PRKCZ: variants seen among roughly 807,000 people sequenced by gnomAD.
PRKCZ encodes protein kinase C zeta type.
A neutral mutation model predicts 79.5 loss-of-function variants in PRKCZ; 33 were observed. The ratio of observed to expected loss-of-function variants is 0.41; its 90% CI spans 0.31 to 0.55. PRKCZ has a LOEUF of 0.55. Among genes scored for constraint, PRKCZ ranks in the 20% least tolerant of loss-of-function variants. The pLI is 0.19. For missense variants in PRKCZ, 578 were observed against 813.5 expected (o/e 0.71, Z 3.52); for synonymous variants, 342 against 320.9 (o/e 1.07, Z -0.70).
chr1:2,091,405 G>GT, intron 4 of PRKCZ, among the ~76,000 whole-genome samples: 1 of 152,312 alleles, frequency 6.6e-6, no homozygotes, highest in Non-Finnish European at 1.5e-5. Flanking sequence ...TTCTAAGTGT[G>GT]TAGTTCAGTA....
intron 1 of PRKCZ, among the ~76,000 whole-genome samples, chr1:2,055,050 C>T (rs1007935023): frequency 4.6e-5 from 7 of 151,716 alleles, no homozygotes; most frequent in African/African-American, 1.7e-4. Context: ...TCACGCCATT[C>T]TCTTGCCTCA....
Position 2,146,053 on chromosome 1 carries a change from T to G in PRKCZ, c.579T>G (p.Pro193=). Reference sequence around the variant, plus strand: ...ATTCTGTCATGCCTTCCCAAGAGCCTCCAGTAGACGACAAGAACGAGGACG... The same window carrying G: ...ATTCTGTCATGCCTTCCCAAGAGCCGCCAGTAGACGACAAGAACGAGGACG... ...HMDSVMPSQE[P]PVDDKNEDAD... Residue 193 remains proline, a synonymous_variant, in exon 7 of 18, where the codon CCT becomes CCG. Transcript: ENST00000378567. 6.2e-7 allele frequency: 1 copy of G among 1,614,062 alleles called. No homozygotes were observed.
chr1:2,058,921 G>A (rs1197505691), intron 3 of PRKCZ, among the ~76,000 whole-genome samples: 4 of 151,880 alleles, frequency 2.6e-5, no homozygotes, highest in African/African-American at 4.8e-5. Context: ...AACAAAAAAT[G>A]TTTGTTTTTT....
intron 4 of PRKCZ, among the ~76,000 whole-genome samples, chr1:2,111,165 G>A (rs1242713454): frequency 6.6e-6 from 1 of 152,128 alleles, no homozygotes; most frequent in Non-Finnish European, 1.5e-5. Flanking sequence ...CTGTGGGGCT[G>A]GCTGTGCGTG....
chr1:2,115,199 T>C (rs954274309), intron 4 of PRKCZ, among the ~76,000 whole-genome samples: 8 of 152,282 alleles, frequency 5.3e-5, no homozygotes, highest in Non-Finnish European at 7.3e-5. Context: ...TTTCCCGTGG[T>C]GTGGGGTGCG....
chr1:2,126,199 C>CA (rs1673849943), intron 4 of PRKCZ, among the ~76,000 whole-genome samples: 1 of 152,210 alleles, frequency 6.6e-6, no homozygotes, highest in Non-Finnish European at 1.5e-5. Context: ...TCAGCTTCCT[C>CA]AATGGGAAAC....
chr1:2,147,453 ATC>A (rs1678838586), intron 7 of PRKCZ, among the ~76,000 whole-genome samples: 2 of 129,062 alleles, frequency 1.5e-5, no homozygotes, highest in South Asian at 2.5e-4. Flanking sequence ...CTATCCATCT[ATC>A]TTGTCCACTG....
At chr1:2,089,048 G>C (rs534437022) in intron 4 of PRKCZ, among the ~76,000 whole-genome samples, 1 of 152,328 alleles carries the variant, frequency 6.6e-6, no homozygotes, top group African/African-American at 2.4e-5. Context: ...ATCCCTCCCT[G>C]TCATCAGCTA....
At chr1:2,118,589 G>A (rs11589482) in intron 4 of PRKCZ, among the ~76,000 whole-genome samples, 5,355 of 152,050 alleles carry the variant, frequency 0.035, 134 homozygotes, top group Middle Eastern at 0.062. Flanking sequence ...CGCCTGCTTC[G>A]GCCTCCCAAA....
At chr1:2,096,480 T>C (rs1186998713) in intron 4 of PRKCZ, among the ~76,000 whole-genome samples, 1 of 152,034 alleles carries the variant, frequency 6.6e-6, no homozygotes, top group African/African-American at 2.4e-5. Context: ...ACGGACTTCG[T>C]GAGGATCTAA....
At chr1:2,144,418 A>T (rs1385166342) in intron 6 of PRKCZ, 77 bp downstream of exon 6, 1 of 1,522,836 alleles carries the variant, frequency 6.6e-7, no homozygotes, top group Non-Finnish European at 8.8e-7. Flanking sequence ...GTCCAAGCAG[A>T]CCTTGGTGAC....
intron 4 of PRKCZ, among the ~76,000 whole-genome samples, chr1:2,090,224 G>C (rs1376337394): frequency 6.6e-6 from 1 of 152,248 alleles, no homozygotes; most frequent in East Asian, 1.9e-4. Context: ...TGGATTCCGA[G>C]GGGATTCAGT....
At chr1:2,076,225 G>T (rs1483398242) in intron 4 of PRKCZ, among the ~76,000 whole-genome samples, 2 of 152,162 alleles carry the variant, frequency 1.3e-5, no homozygotes, top group African/African-American at 4.8e-5. Flanking sequence ...TGGTGCTCGA[G>T]TGTGGGCTCA....
intron 5 of PRKCZ, among the ~76,000 whole-genome samples, chr1:2,136,309 C>T (rs546221037): frequency 1.3e-5 from 2 of 152,314 alleles, no homozygotes; most frequent in African/African-American, 4.8e-5. Flanking sequence ...GACTCCCATT[C>T]CTCTTGGGGC....
intron 6 of PRKCZ, 79 bp downstream of exon 6, chr1:2,144,420 C>T: frequency 6.6e-7 from 1 of 1,521,792 alleles, no homozygotes; most frequent in Non-Finnish European, 8.8e-7. Context: ...CCAAGCAGAC[C>T]TTGGTGACCC....
rs770240675 is a variant in PRKCZ, at chr1:2,172,204, A to G, written c.1197+14A>G. The G allele has an allele frequency of 1.9e-6, 3 of 1,612,690 alleles. No individual in the cohort carries two copies. Among genetic ancestry groups the G allele is most frequent in the East Asian group, 4.5e-5 (2 of 44,830 alleles). The stretch of plus-strand genomic sequence containing the variant: ...GGCATGTGCAAGGTGCGTGCCTTGG[A>G]CCGCCTCCCCTGACCATCCCGCATG... On this transcript the variant is annotated intron_variant, in intron 12 of 17. Transcript: ENST00000378567. The surrounding 1 kb of genome is among the most constrained non-coding windows in gnomAD (Gnocchi z 7.8).
intron 10 of PRKCZ, among the ~76,000 whole-genome samples, chr1:2,167,426 AG>A (rs1349178260): frequency 6.6e-6 from 1 of 152,034 alleles, no homozygotes; most frequent in Non-Finnish European, 1.5e-5. Flanking sequence ...GCTTAAAGTT[AG>A]GATGAACCCA....
intron 4 of PRKCZ, among the ~76,000 whole-genome samples, chr1:2,081,762 C>T (rs1436191194): frequency 6.6e-6 from 1 of 151,492 alleles, no homozygotes; most frequent in African/African-American, 2.4e-5. Context: ...TGGGACTCGG[C>T]AGGTCCCTGC....
chr1:2,082,518 C>G lies in PRKCZ; in HGVS notation c.334+22927C>G. On this transcript the variant is annotated intron_variant, in intron 4 of 17. Transcript: ENST00000378567. The surrounding 1 kb of genome is among the most constrained non-coding windows in gnomAD (Gnocchi z 4.4). ...ACCGGTTTTGTGATGTGGGCAGTGC[C>G]GTGCTGGTAAATGCTCTGTGAGGAA... 1 of 421,252 alleles carries G rather than the reference C, an allele frequency of 2.4e-6. No individual in the cohort carries two copies. Among genetic ancestry groups the G allele is most frequent in the Non-Finnish European group, 4.8e-6 (1 of 209,902 alleles). The allele number at this position is 421,252 out of a possible 1,614,324, so 26.1% of individuals were successfully genotyped here.
Sources: gnomAD v4.1 joint callset for allele counts (sites outside exome capture counted in the v4.1 genomes callset) on GRCh38, gnomAD v4.1.1 for gene constraint, Gnocchi (gnomAD v3.1) non-coding constraint, MANE v1.5 for transcripts, NCBI Gene and HGNC (gene_info 2026-07-23, HGNC 2026-07-21) for gene names.